Variants in CYP46A1 observed in about 807,000 individuals in gnomAD.
CYP46A1 encodes cytochrome P450 family 46 subfamily A member 1, also known as cholesterol 24-hydroxylase.
A neutral mutation model predicts 63.3 loss-of-function variants in CYP46A1; 20 were observed. That is an observed-to-expected ratio of 0.32 (90% CI 0.22 to 0.46). The LOEUF is 0.46. Ranked by LOEUF, CYP46A1 falls within the 20% of genes least tolerant of loss-of-function variation. The pLI, the probability that CYP46A1 is intolerant of heterozygous loss-of-function variation, is 1.00. For synonymous variants in CYP46A1, 268 were observed against 273.6 expected (o/e 0.98, Z 0.20); for missense variants, 445 against 670.8 (o/e 0.66, Z 3.72).
chr14:99,726,422 AGC>A (rs1307212515), intron 14 of CYP46A1, 133 bp from the exon 15 acceptor site: 2 of 1,142,264 alleles, frequency 1.8e-6, no homozygotes, highest in Admixed American at 2.9e-5. Flanking sequence ...CACGGAGGAG[AGC>A]GCAAAACAGG....
In CYP46A1 at chr14:99,698,464, G is replaced by A. The variant is rs138448477; in HGVS notation, c.283-1002G>A. ...ATAAAAACAACACCCGCAGCCAGGT[G>A]TGGTGGCTCACACCTGTAATCTCAG... On this transcript the variant is annotated intron_variant, in intron 3 of 14. Coordinates refer to ENST00000261835, the MANE Select transcript of CYP46A1 (RefSeq NM_006668.2). Among the ~76,000 whole-genome samples the A allele has an allele frequency of 3.1e-3, 477 of 152,324 alleles. 1 individual carries two copies. Among genetic ancestry groups the A allele is most frequent in the African/African-American group, 0.011 (458 of 41,570 alleles).
At chr14:99,684,761 T>C (rs543735147) in intron 1 of CYP46A1, 3 of 630,686 alleles carry the variant, frequency 4.8e-6, no homozygotes, top group Non-Finnish European at 8.9e-6. Context: ...ACAAACGTGA[T>C]GGCAGCCACA....
intron 3 of CYP46A1, among the ~76,000 whole-genome samples, chr14:99,698,536 G>A (rs2140118707): frequency 6.6e-6 from 1 of 152,310 alleles, no homozygotes; most frequent in Non-Finnish European, 1.5e-5. Context: ...GTGCAGCTGT[G>A]CACCTGGCAT....
chr14:99,689,138 A>C (rs985031006), intron 1 of CYP46A1, among the ~76,000 whole-genome samples: 1 of 152,138 alleles, frequency 6.6e-6, no homozygotes, highest in South Asian at 2.1e-4. Context: ...TCTCTAGCCT[A>C]CAGCCCTTCC....
chr14:99,714,135 AC>A (rs1372052269), intron 7 of CYP46A1, among the ~76,000 whole-genome samples: 1 of 152,216 alleles, frequency 6.6e-6, no homozygotes, highest in Non-Finnish European at 1.5e-5. Context: ...AAAATGTTCA[AC>A]GTCACTAATC....
At chr14:99,684,815 G>T (rs767470134) in intron 1 of CYP46A1, 89 of 537,580 alleles carry the variant, frequency 1.7e-4, no homozygotes, top group South Asian at 6.8e-4. Context: ...GTTCAGACGA[G>T]GAGACTGAGG....
intron 3 of CYP46A1, among the ~76,000 whole-genome samples, chr14:99,696,739 A>G (rs1480583365): frequency 6.6e-6 from 1 of 152,150 alleles, no homozygotes; most frequent in Non-Finnish European, 1.5e-5. Context: ...GGGCCTGGGT[A>G]TAGGTCATAA....
chr14:99,704,827 C>T (rs1211681085), intron 5 of CYP46A1, among the ~76,000 whole-genome samples: 5 of 152,142 alleles, frequency 3.3e-5, no homozygotes, highest in Admixed American at 3.3e-4. Flanking sequence ...CCTGAGGAAG[C>T]GGCCTTTGAG....
chr14:99,694,781 G>A (rs568303154), intron 3 of CYP46A1, among the ~76,000 whole-genome samples: 13 of 152,096 alleles, frequency 8.5e-5, no homozygotes, highest in East Asian at 1.9e-4. Flanking sequence ...GATTGCAGGC[G>A]TGAGCCACCA....
At chr14:99,692,344 C>G (rs2056551008) in intron 3 of CYP46A1, among the ~76,000 whole-genome samples, 1 of 152,164 alleles carries the variant, frequency 6.6e-6, no homozygotes, top group Non-Finnish European at 1.5e-5. Flanking sequence ...CTTATTAGTC[C>G]CTTGGCCAAC....
intron 1 of CYP46A1, among the ~76,000 whole-genome samples, chr14:99,686,808 T>C (rs1195227455): frequency 6.6e-6 from 1 of 152,134 alleles, no homozygotes; most frequent in Non-Finnish European, 1.5e-5. Flanking sequence ...GGCTATTTAT[T>C]CTAAGGAGGT....
rs1421006884 is a variant in CYP46A1, at chr14:99,725,549, T to C, written c.1265+70T>C. On this transcript the variant is annotated intron_variant, in intron 13 of 14. Transcript: ENST00000261835. This position sits in a 1 kb window ranked among gnomAD's most constrained non-coding sequence, Gnocchi z 4.2. ...AGGACAGACACAGCGGCCTCTGGTC[T>C]GAGCCAGAGGCACCCACTCAGCCCA... 2 of 1,183,552 alleles carry C rather than the reference T, an allele frequency of 1.7e-6. No homozygotes were observed. Among genetic ancestry groups the C allele is most frequent in the Admixed American group, 1.7e-5 (1 of 57,428 alleles). The allele number at this position is 1,183,552 out of a possible 1,614,324, so 73.3% of individuals were successfully genotyped here. A position where few individuals can be genotyped will look rare whatever the true frequency, so the allele number is the denominator to read the frequency against.
At position 99,706,690 on chromosome 14, in the gene CYP46A1, C is replaced by CA; in HGVS notation, c.488dup (p.Leu164AlafsTer120). ...GGAAACATTCAACGAGAAGGCTGAG[C>CA]AGCTGGTGGAGATTCTAGAAGCCAA... On this transcript the variant is annotated frameshift_variant, in exon 6 of 15. Transcript: ENST00000261835. LOFTEE classifies it high-confidence loss of function. The CA allele has an allele frequency of 6.2e-7, 1 of 1,613,980 alleles. No homozygotes were observed. Among genetic ancestry groups the CA allele is most frequent in the Non-Finnish European group, 8.5e-7 (1 of 1,180,022 alleles).
chr14:99,715,334 C>T (rs1239066342), intron 7 of CYP46A1, among the ~76,000 whole-genome samples: 2 of 152,164 alleles, frequency 1.3e-5, no homozygotes, highest in South Asian at 2.1e-4. Context: ...ATATCACCTC[C>T]TTATTCCAGT....
intron 7 of CYP46A1, chr14:99,712,232 A>G (rs139083788): frequency 3.0e-4 from 46 of 152,344 alleles, no homozygotes; most frequent in African/African-American, 9.9e-4. Flanking sequence ...GGAACAGGAT[A>G]AGGATGCCCA....
intron 1 of CYP46A1, chr14:99,684,871 C>A (rs999772221): frequency 2.4e-6 from 1 of 412,712 alleles, no homozygotes; most frequent in Admixed American, 3.1e-5. Flanking sequence ...GGTTGGTAAG[C>A]CTAGATTTAA....
intron 3 of CYP46A1, among the ~76,000 whole-genome samples, chr14:99,695,766 G>A (rs1281656557): frequency 6.6e-6 from 1 of 151,888 alleles, no homozygotes; most frequent in East Asian, 1.9e-4. Flanking sequence ...AAGTAGCTGG[G>A]ACTACAGGTG....
intron 7 of CYP46A1, chr14:99,710,569 TA>T (rs2056720254): frequency 6.6e-6 from 1 of 152,022 alleles, no homozygotes; most frequent in Non-Finnish European, 1.5e-5. Context: ...TCAAAAACTG[TA>T]AAAAGAGACA....
At chr14:99,689,826 C>T (rs78310244) in intron 1 of CYP46A1, among the ~76,000 whole-genome samples, 1,536 of 152,296 alleles carry the variant, frequency 0.01, 21 homozygotes, top group African/African-American at 0.035. Context: ...CCTGGTTACT[C>T]TCTGCACTGC....
Sources: allele counts gnomAD v4.1 joint callset (sites outside exome capture counted in the v4.1 genomes callset), GRCh38; gene constraint gnomAD v4.1.1; non-coding constraint Gnocchi (gnomAD v3.1); transcripts MANE v1.5; gene names NCBI Gene and HGNC (gene_info 2026-07-23, HGNC 2026-07-21).